Variants in ZC3H12B observed in about 807,000 individuals in gnomAD.
ZC3H12B encodes the protein probable ribonuclease ZC3H12B.
Under a neutral mutation model 43.9 loss-of-function variants are expected in ZC3H12B, and 7 were observed. The observed-to-expected ratio is 0.16, with a 90% CI of 0.09 to 0.30. ZC3H12B has a LOEUF of 0.30. Among genes scored for constraint, ZC3H12B ranks in the 10% least tolerant of loss-of-function variants. The probability of loss-of-function intolerance (pLI) is 1.00; values close to 1 mark genes in which losing one functional copy is unlikely to be tolerated. For synonymous variants in ZC3H12B, 222 were observed against 241.7 expected, an observed-to-expected ratio of 0.92 and a Z score of 0.76; for missense variants, 475 against 670.2, an observed-to-expected ratio of 0.71 and a Z score of 3.22.
At chrX:65,126,665 G>A in the ZC3H12B span, among the ~76,000 whole-genome samples, 8 of 104,192 alleles carry the variant, frequency 7.7e-5, no homozygotes, top group South Asian at 4.1e-4. Context: ...CAAAGCTTCC[G>A]GAGGTTTTGT....
chrX:65,404,984 T>A (rs973624853), intron 3 of ZC3H12B, among the ~76,000 whole-genome samples: 5 of 112,279 alleles, frequency 4.5e-5, no homozygotes, highest in Admixed American at 9.4e-5. Context: ...TCAACAAAAT[T>A]GAGATAACAT....
At chrX:65,206,327 G>T in the ZC3H12B span, among the ~76,000 whole-genome samples, 3 of 111,706 alleles carry the variant, frequency 2.7e-5, no homozygotes, top group African/African-American at 9.8e-5. Context: ...ATAAAACAAT[G>T]GAACAGAATA....
the ZC3H12B span, among the ~76,000 whole-genome samples, chrX:65,086,331 T>C: frequency 8.9e-6 from 1 of 111,843 alleles, no homozygotes; most frequent in Non-Finnish European, 1.9e-5. Flanking sequence ...TTTTCCTTAA[T>C]ATATTTACTT....
At chrX:65,162,633 C>T in the ZC3H12B span, among the ~76,000 whole-genome samples, 2 of 111,961 alleles carry the variant, frequency 1.8e-5, no homozygotes, top group African/African-American at 6.5e-5. Flanking sequence ...CCTTTAAGCA[C>T]TTCTCTGTAT....
chrX:65,408,989 T>C (rs2066870705), intron 3 of ZC3H12B, among the ~76,000 whole-genome samples: 1 of 112,313 alleles, frequency 8.9e-6, no homozygotes, highest in South Asian at 3.7e-4. Context: ...TGTTGTTAAA[T>C]GGGGTGAAAT....
chrX:65,377,954 C>T lies in ZC3H12B; in HGVS notation n.295+8956C>T, dbSNP rs552780367. 1.1e-3 allele frequency among the ~76,000 whole-genome samples: 116 copies of T among 110,458 alleles called. 1 individual carries two copies. The highest frequency in any genetic ancestry group is 9.2e-3 in the Middle Eastern group (2 of 217). ...TCTACTAAAAATTCAAAAAAATTAA[C>T]CGGGCATGGTGGCTGGTGCCAGTAG... is the stretch of plus-strand genomic sequence containing the variant. On this transcript the variant is annotated intron_variant and non_coding_transcript_variant, in intron 2 of 5. Coordinates refer to the ZC3H12B transcript ENST00000617377.
the ZC3H12B span, among the ~76,000 whole-genome samples, chrX:65,211,641 A>T: frequency 3.2e-5 from 3 of 93,144 alleles, no homozygotes; most frequent in South Asian, 1.4e-3. Flanking sequence ...AATTATAATT[A>T]TGCCTGTAAT....
chrX:65,191,672 C>T, the ZC3H12B span, among the ~76,000 whole-genome samples: 1 of 104,919 alleles, frequency 9.5e-6, no homozygotes, highest in Non-Finnish European at 1.9e-5. Flanking sequence ...TTTTTTGTGT[C>T]TATTTGATTC....
chrX:65,115,415 A>G, the ZC3H12B span, among the ~76,000 whole-genome samples: 3 of 111,259 alleles, frequency 2.7e-5, no homozygotes, highest in East Asian at 2.8e-4. Flanking sequence ...ATACTATTCA[A>G]TGGTATATAT....
chrX:65,209,525 T>G, the ZC3H12B span, among the ~76,000 whole-genome samples: 7 of 100,962 alleles, frequency 6.9e-5, no homozygotes, highest in Non-Finnish European at 1.2e-4. Context: ...CTAGTTTGAT[T>G]GCACTGTGGT....
At chrX:65,275,763 A>G in the ZC3H12B span, among the ~76,000 whole-genome samples, 2 of 112,549 alleles carry the variant, frequency 1.8e-5, no homozygotes, top group East Asian at 5.6e-4. Context: ...ATGCGTGAAA[A>G]TCAACATAGG....
the ZC3H12B span, among the ~76,000 whole-genome samples, chrX:65,092,493 A>T: frequency 3.6e-3 from 408 of 112,030 alleles, no homozygotes; most frequent in Non-Finnish European, 5.4e-3. Context: ...AGTGAAGGCC[A>T]GGCTCAGGAG....
the ZC3H12B span, chrX:65,328,073 T>C: frequency 3.8e-6 from 1 of 263,897 alleles, no homozygotes; most frequent in Non-Finnish European, 7.5e-6. Context: ...TGCCAGGTAC[T>C]TTAGGAAATA....
the ZC3H12B span, among the ~76,000 whole-genome samples, chrX:65,035,589 G>C: frequency 2.7e-5 from 3 of 111,051 alleles, no homozygotes; most frequent in Non-Finnish European, 5.7e-5. Context: ...TGCCGTGCTC[G>C]CCCCTTTCCC....
chrX:65,484,530 G>T (rs2068101685), upstream of ZC3H12B, among the ~76,000 whole-genome samples: 1 of 111,798 alleles, frequency 8.9e-6, no homozygotes, highest in Non-Finnish European at 1.9e-5. Flanking sequence ...CTTTGAGAAT[G>T]CCTTTTATGA....
chrX:65,459,791 C>T (rs2067705353), intron 3 of ZC3H12B, among the ~76,000 whole-genome samples: 1 of 111,667 alleles, frequency 9.0e-6, no homozygotes, highest in African/African-American at 3.3e-5. Flanking sequence ...CCTCTGAAAA[C>T]TGGCACAAGA....
the ZC3H12B span, among the ~76,000 whole-genome samples, chrX:65,152,970 C>A: frequency 8.9e-6 from 1 of 111,822 alleles, no homozygotes. Flanking sequence ...CTGAGAAACA[C>A]AAGCAATGGG....
intron 2 of ZC3H12B, among the ~76,000 whole-genome samples, chrX:65,391,992 C>T (rs1274713346): frequency 8.9e-6 from 1 of 111,800 alleles, no homozygotes; most frequent in East Asian, 2.8e-4. Flanking sequence ...GTCTCCAGCT[C>T]CTGACCTCGA....
intron 3 of ZC3H12B, among the ~76,000 whole-genome samples, chrX:65,434,561 A>T (rs1357470833): frequency 8.9e-6 from 1 of 112,373 alleles, no homozygotes; most frequent in East Asian, 2.8e-4. Context: ...ATCTAACTTT[A>T]TGTTCCTTCC....
Sources: allele counts gnomAD v4.1 joint callset (sites outside exome capture counted in the v4.1 genomes callset), GRCh38; gene constraint gnomAD v4.1.1; transcripts MANE v1.5; gene names NCBI Gene and HGNC (gene_info 2026-07-23, HGNC 2026-07-21).